The following SLC25A26 variants were observed in gnomAD, a reference collection of about 807,000 sequenced individuals.
SLC25A26 encodes the protein solute carrier family 25 member 26, also known as mitochondrial S-adenosylmethionine carrier protein.
In SLC25A26, 36 loss-of-function variants were observed where a neutral mutation model predicts 37.8. The ratio of observed to expected loss-of-function variants is 0.95; its 90% CI spans 0.73 to 1.26. The LOEUF (loss-of-function observed/expected upper bound fraction) is 1.26. SLC25A26 is among the 50% of genes most tolerant of loss of function. The pLI is 0.00. For synonymous variants in SLC25A26, 129 were observed against 122.5 expected, an observed-to-expected ratio of 1.05 and a Z score of -0.35; for missense variants, 390 against 331.1, an observed-to-expected ratio of 1.18 and a Z score of -1.38.
chr3:66,234,996 C>CT (rs1346918518), intron 1 of SLC25A26, among the ~76,000 whole-genome samples: 1 of 152,144 alleles, frequency 6.6e-6, no homozygotes, highest in South Asian at 2.1e-4. Context: ...TGTAAACTGA[C>CT]TTTGACTCAC....
At chr3:66,207,178 C>A (rs1424909415) in intron 1 of SLC25A26, among the ~76,000 whole-genome samples, 2 of 152,080 alleles carry the variant, frequency 1.3e-5, no homozygotes, top group Non-Finnish European at 2.9e-5. Flanking sequence ...GACCCAAATG[C>A]TACCCAAGTA....
intron 3 of SLC25A26, among the ~76,000 whole-genome samples, chr3:66,243,592 A>C (rs2072689374): frequency 6.6e-6 from 1 of 152,234 alleles, no homozygotes; most frequent in African/African-American, 2.4e-5. Flanking sequence ...GTGGAAGAAA[A>C]TATCCATTCG....
chr3:66,317,169 T>C (rs2075562979), intron 5 of SLC25A26, among the ~76,000 whole-genome samples: 1 of 152,224 alleles, frequency 6.6e-6, no homozygotes, highest in African/African-American at 2.4e-5. Context: ...TGTGATTATT[T>C]GGAGGAGAAG....
intron 1 of SLC25A26, among the ~76,000 whole-genome samples, chr3:66,141,033 C>T (rs1576591078): frequency 6.7e-6 from 1 of 148,722 alleles, no homozygotes; most frequent in East Asian, 2.0e-4. Flanking sequence ...TATTGTTACA[C>T]TTCAGTATAG....
chr3:66,183,778 G>A lies in SLC25A26; in HGVS notation c.-353-36964G>A, dbSNP rs538643560. ...ACCTGAGCTTGACACTGAACGTGAT[G>A]CTAAATAAGCACCTGACCCTGAACT... is the stretch of plus-strand genomic sequence containing the variant. On this transcript the variant is annotated intron_variant, in intron 1 of 10. Transcript: ENST00000676754. Among the ~76,000 whole-genome samples, 13 of 152,010 alleles carry A rather than the reference G, an allele frequency of 8.6e-5. No homozygotes were observed. In the South Asian group the frequency reaches 2.7e-3, roughly 32 times the overall value.
intron 8 of SLC25A26, among the ~76,000 whole-genome samples, chr3:66,370,157 T>C (rs1028045235): frequency 6.6e-6 from 1 of 152,252 alleles, no homozygotes; most frequent in African/African-American, 2.4e-5. Context: ...AACGGCACTC[T>C]ATTAAATATG....
intron 1 of SLC25A26, among the ~76,000 whole-genome samples, chr3:66,222,395 T>G (rs1553658894): frequency 6.6e-6 from 1 of 152,158 alleles, no homozygotes; most frequent in Non-Finnish European, 1.5e-5. Flanking sequence ...TTAGCCAGGA[T>G]GGTCTCGATC....
chr3:66,171,432 C>T (rs2070498160), intron 1 of SLC25A26, among the ~76,000 whole-genome samples: 1 of 152,122 alleles, frequency 6.6e-6, no homozygotes, highest in African/African-American at 2.4e-5. Flanking sequence ...TAAACCTTCC[C>T]CTACTTTTTT....
chr3:66,237,724 T>C (rs1427270715), intron 2 of SLC25A26, among the ~76,000 whole-genome samples: 2 of 152,232 alleles, frequency 1.3e-5, no homozygotes, highest in Non-Finnish European at 2.9e-5. Context: ...TGGATGCCTC[T>C]AGTGGCATTT....
chr3:66,320,721 G>A (rs997882864), intron 5 of SLC25A26, among the ~76,000 whole-genome samples: 4 of 152,134 alleles, frequency 2.6e-5, no homozygotes, highest in African/African-American at 9.7e-5. Context: ...TAGGGTTCCA[G>A]TGTCTTGTCA....
intron 6 of SLC25A26, among the ~76,000 whole-genome samples, chr3:66,361,486 A>T (rs1170613149): frequency 1.3e-5 from 2 of 152,250 alleles, no homozygotes; most frequent in African/African-American, 4.8e-5. Context: ...GCAAGACTAG[A>T]AGAAAACATC....
Position 66,378,016 on chromosome 3 carries a change from G to A in SLC25A26, c.*209G>A, listed in dbSNP as rs1428424808. 4.0e-6 allele frequency: 2 copies of A among 496,778 alleles called. No individual in the cohort carries two copies. Among genetic ancestry groups the A allele is most frequent in the African/African-American group, 1.9e-5 (1 of 52,628 alleles). 30.8% of individuals were successfully genotyped at this position (496,778 alleles called of 1,614,324 possible). ...CCAGAGAGCTAAGAGAAGAAAACGG[G>A]GTCTGTGGCGGTACTCTGAACAATT... On this transcript the variant is annotated 3_prime_UTR_variant, in exon 10 of 10. Coordinates refer to ENST00000354883, the MANE Select transcript of SLC25A26 (RefSeq NM_001379210.1).
At chr3:66,356,520 T>TGGTGAAACTCAAC (rs2076579336) in intron 6 of SLC25A26, among the ~76,000 whole-genome samples, 5 of 152,242 alleles carry the variant, frequency 3.3e-5, no homozygotes, top group Admixed American at 1.3e-4. Context: ...ATAGTTATTA[T>TGGTGAAACTCAAC]GGTGAAACTC....
chr3:66,184,250 C>G (rs1173549667), intron 1 of SLC25A26, among the ~76,000 whole-genome samples: 1 of 151,996 alleles, frequency 6.6e-6, no homozygotes, highest in Non-Finnish European at 1.5e-5. Context: ...TCACCCTGAA[C>G]CTCACCATAA....
At chr3:66,312,035 C>T (rs1339961458) in intron 5 of SLC25A26, among the ~76,000 whole-genome samples, 1 of 152,238 alleles carries the variant, frequency 6.6e-6, no homozygotes, top group Non-Finnish European at 1.5e-5. Flanking sequence ...GCGAGATCCA[C>T]TCCTCTCTTC....
At chr3:66,305,031 T>G (rs2075178120) in intron 5 of SLC25A26, among the ~76,000 whole-genome samples, 1 of 152,202 alleles carries the variant, frequency 6.6e-6, no homozygotes. Flanking sequence ...TATTAGCAAC[T>G]GACAGTTTTC....
intron 5 of SLC25A26, among the ~76,000 whole-genome samples, chr3:66,264,541 C>G (rs1003238805): frequency 3.3e-5 from 5 of 152,144 alleles, no homozygotes; most frequent in African/African-American, 1.2e-4. Flanking sequence ...ATCAGATTCT[C>G]ATAGGAACAC....
chr3:66,279,338 A>G (rs1235563769), intron 5 of SLC25A26, among the ~76,000 whole-genome samples: 1 of 152,180 alleles, frequency 6.6e-6, no homozygotes, highest in Non-Finnish European at 1.5e-5. Context: ...TGAAGGCCGC[A>G]TAGCATAGTG....
At chr3:66,275,741 A>G (rs2074119782) in intron 5 of SLC25A26, among the ~76,000 whole-genome samples, 1 of 152,104 alleles carries the variant, frequency 6.6e-6, no homozygotes, top group African/African-American at 2.4e-5. Flanking sequence ...ACTGCTGTCT[A>G]CATATAGCTC....
Sources: allele counts gnomAD v4.1 joint callset (sites outside exome capture counted in the v4.1 genomes callset), GRCh38; gene constraint gnomAD v4.1.1; transcripts MANE v1.5; gene names NCBI Gene and HGNC (gene_info 2026-07-23, HGNC 2026-07-21).